Variants in VAT1L observed in about 807,000 individuals in gnomAD.
VAT1L encodes putative NADPH-dependent quinone oxidoreductase VAT1L.
In VAT1L, 34 loss-of-function variants were observed where a neutral mutation model predicts 44.1. That is an observed-to-expected ratio of 0.77 (90% CI 0.59 to 1.03). The LOEUF (loss-of-function observed/expected upper bound fraction) is 1.03. Ranked by LOEUF, VAT1L falls within the 50% of genes least tolerant of loss-of-function variation. The pLI is 0.00. For synonymous variants in VAT1L, 253 were observed against 202.2 expected, an observed-to-expected ratio of 1.25 and a Z score of -2.13; for missense variants, 615 against 538.8, an observed-to-expected ratio of 1.14 and a Z score of -1.40.
At chr16:77,796,045 C>T (rs906095676) in intron 1 of VAT1L, among the ~76,000 whole-genome samples, 6 of 152,162 alleles carry the variant, frequency 3.9e-5, no homozygotes, top group Middle Eastern at 3.4e-3. Context: ...AGGCTGGTCT[C>T]GAATTCCTGA....
intron 2 of VAT1L, among the ~76,000 whole-genome samples, chr16:77,819,933 T>C (rs2016422834): frequency 6.6e-6 from 1 of 152,244 alleles, no homozygotes; most frequent in Non-Finnish European, 1.5e-5. Flanking sequence ...TGCACCATGT[T>C]AAGTGCGTTG....
At chr16:77,945,294 T>TTTTTTTTTTTA in intron 7 of VAT1L, among the ~76,000 whole-genome samples, 1 of 147,362 alleles carries the variant, frequency 6.8e-6, no homozygotes, top group South Asian at 2.2e-4. Context: ...TTTTTTTTTT[T>TTTTTTTTTTTA]GAGAGAGAGA....
intron 3 of VAT1L, among the ~76,000 whole-genome samples, chr16:77,838,376 C>T (rs141978626): frequency 2.0e-5 from 3 of 152,216 alleles, no homozygotes; most frequent in African/African-American, 7.2e-5. Flanking sequence ...GGTCTCTGTT[C>T]TCACTGACAC....
At chr16:77,976,323 G>C (rs1364632453) in intron 8 of VAT1L, among the ~76,000 whole-genome samples, 1 of 152,180 alleles carries the variant, frequency 6.6e-6, no homozygotes. Flanking sequence ...GTTCCAGTTA[G>C]GGAATTCTGC....
rs186022437 is a variant in VAT1L, at chr16:77,846,383, G to A, written c.580-16365G>A. Among the ~76,000 whole-genome samples the A allele has an allele frequency of 8.9e-4, 136 of 152,208 alleles. 1 individual carries two copies. Among genetic ancestry groups the A allele is most frequent in the Non-Finnish European group, 1.0e-3 (68 of 68,018 alleles). ...TTTGCTGCCCCAAATATTTTCTTTA[G>A]AATTTTACTGAACCCTTTGACCTCA... is the stretch of plus-strand genomic sequence containing the variant. On this transcript the variant is annotated intron_variant, in intron 3 of 8. Coordinates refer to ENST00000302536, the MANE Select transcript of VAT1L (RefSeq NM_020927.3).
chr16:77,828,970 A>G (rs184339820), intron 3 of VAT1L, among the ~76,000 whole-genome samples: 215 of 152,304 alleles, frequency 1.4e-3, no homozygotes, highest in African/African-American at 4.3e-3. Context: ...GTTGCCACTT[A>G]TGGGAAACCG....
intron 1 of VAT1L, among the ~76,000 whole-genome samples, chr16:77,799,455 G>C (rs2016001411): frequency 6.6e-6 from 1 of 151,108 alleles, no homozygotes; most frequent in South Asian, 2.1e-4. Context: ...CTCTTACCTT[G>C]GTCTAAAAGA....
intron 2 of VAT1L, among the ~76,000 whole-genome samples, chr16:77,821,634 C>A (rs1006265333): frequency 6.6e-6 from 1 of 152,062 alleles, no homozygotes; most frequent in Non-Finnish European, 1.5e-5. Context: ...TGGTCTTGGG[C>A]AAGTTATTTA....
At chr16:77,933,892 G>C (rs1229447631) in intron 7 of VAT1L, among the ~76,000 whole-genome samples, 1 of 152,190 alleles carries the variant, frequency 6.6e-6, no homozygotes, top group Admixed American at 6.5e-5. Flanking sequence ...ATCTGGGAGA[G>C]GGAGGCACAA....
At chr16:77,960,845 G>A (rs1457146774) in intron 7 of VAT1L, among the ~76,000 whole-genome samples, 5 of 151,952 alleles carry the variant, frequency 3.3e-5, no homozygotes, top group South Asian at 2.1e-4. Flanking sequence ...AACTACTGCC[G>A]AGAAATGACC....
intron 3 of VAT1L, among the ~76,000 whole-genome samples, chr16:77,850,639 T>G: frequency 6.6e-6 from 1 of 151,666 alleles, no homozygotes; most frequent in South Asian, 2.1e-4. Context: ...AGTCGTTTGG[T>G]TTTTTGTTTT....
intron 7 of VAT1L, among the ~76,000 whole-genome samples, chr16:77,902,776 C>A (rs1483074102): frequency 6.7e-6 from 1 of 149,674 alleles, no homozygotes; most frequent in Admixed American, 6.7e-5. Context: ...CGAGACTAGC[C>A]TGGCCAACAT....
intron 3 of VAT1L, among the ~76,000 whole-genome samples, chr16:77,859,939 T>C (rs541066542): frequency 8.3e-4 from 126 of 152,164 alleles, no homozygotes; most frequent in African/African-American, 2.8e-3. Context: ...TATTTGGAGA[T>C]AGGGTCTTTA....
intron 4 of VAT1L, among the ~76,000 whole-genome samples, chr16:77,873,421 A>T (rs142677788): frequency 6.6e-6 from 1 of 152,334 alleles, no homozygotes; most frequent in African/African-American, 2.4e-5. Context: ...ACATATAGAG[A>T]CACAGAATAG....
At chr16:77,903,037 C>G (rs983867850) in intron 7 of VAT1L, among the ~76,000 whole-genome samples, 15 of 151,368 alleles carry the variant, frequency 9.9e-5, no homozygotes, top group African/African-American at 3.6e-4. Context: ...ACCTTACACT[C>G]TCATAGTAGA....
chr16:77,948,109 G>C (rs2017992862), intron 7 of VAT1L, among the ~76,000 whole-genome samples: 1 of 152,146 alleles, frequency 6.6e-6, no homozygotes, highest in South Asian at 2.1e-4. Flanking sequence ...TCTAAACTGA[G>C]TAATTTCCTC....
chr16:77,967,628 T>G (rs2018236787), intron 7 of VAT1L, among the ~76,000 whole-genome samples: 1 of 152,130 alleles, frequency 6.6e-6, no homozygotes, highest in African/African-American at 2.4e-5. Flanking sequence ...GAAAGAAATA[T>G]CCAAAAAGCA....
chr16:77,857,752 TATCC>T (rs952959144), intron 3 of VAT1L, among the ~76,000 whole-genome samples: 14 of 146,466 alleles, frequency 9.6e-5, no homozygotes, highest in African/African-American at 1.7e-4. Flanking sequence ...GTCATATATT[TATCC>T]ATTATCTAAT....
chr16:77,844,802 T>C (rs1388305167), intron 3 of VAT1L, among the ~76,000 whole-genome samples: 2 of 152,066 alleles, frequency 1.3e-5, no homozygotes, highest in African/African-American at 2.4e-5. Context: ...GGGATGGCTA[T>C]ATATACACAC....
Sources: gnomAD v4.1 joint callset for allele counts (sites outside exome capture counted in the v4.1 genomes callset) on GRCh38, gnomAD v4.1.1 for gene constraint, MANE v1.5 for transcripts, NCBI Gene and HGNC (gene_info 2026-07-23, HGNC 2026-07-21) for gene names.